FGF12: variants seen among roughly 807,000 people sequenced by gnomAD.
FGF12 encodes fibroblast growth factor 12B.
In FGF12, 14 loss-of-function variants were observed where a neutral mutation model predicts 23.6. The observed-to-expected ratio is 0.59, with a 90% CI of 0.39 to 0.93. The LOEUF is 0.93. Ranked by LOEUF, FGF12 falls within the 40% of genes least tolerant of loss-of-function variation. The probability of loss-of-function intolerance (pLI) is 0.00; values close to 1 mark genes in which losing one functional copy is unlikely to be tolerated. For missense variants in FGF12, 175 were observed against 217.8 expected (o/e 0.80, Z 1.24); for synonymous variants, 62 against 77.3 (o/e 0.80, Z 1.04).
chr3:192,517,850 C>T lies in FGF12; in HGVS notation c.14-157312G>A, dbSNP rs570563241. ...GTTCATGCTTTTTAAAGCAACTCCT[C>T]ATGTGATTGTCACCCACTTCCACAA... On this transcript the variant is annotated intron_variant, in intron 2 of 5. Coordinates refer to ENST00000445105, the MANE Select transcript of FGF12 (RefSeq NM_004113.6). Among the ~76,000 whole-genome samples, 222 of 152,282 alleles carry T rather than the reference C, an allele frequency of 1.5e-3. 1 individual carries two copies. Among genetic ancestry groups the T allele is most frequent in the Non-Finnish European group, 2.3e-3 (159 of 68,012 alleles).
chr3:192,314,742 A>C lies in FGF12; in HGVS notation c.228+20619T>G, dbSNP rs554616588. Among the ~76,000 whole-genome samples, 3 of 152,328 alleles carry C rather than the reference A, an allele frequency of 2.0e-5. No homozygotes were observed. The South Asian group carries it at 6.2e-4, about 32-fold the overall frequency. ...AAGTAAACATAAGAAATTTGTTATT[A>C]ATAATTGGTCTTAGGAAATAAAATC... is the stretch of plus-strand genomic sequence containing the variant. On this transcript the variant is annotated intron_variant, in intron 4 of 5. Transcript: ENST00000445105.
chr3:192,399,667 A>G (rs1447522572), intron 2 of FGF12, among the ~76,000 whole-genome samples: 1 of 152,260 alleles, frequency 6.6e-6, no homozygotes, highest in African/African-American at 2.4e-5. Flanking sequence ...GCATATTAGC[A>G]TAGACTTTCT....
chr3:192,422,161 G>C (rs1351539906), intron 2 of FGF12, among the ~76,000 whole-genome samples: 1 of 152,010 alleles, frequency 6.6e-6, no homozygotes, highest in African/African-American at 2.4e-5. Context: ...TAATTCTATA[G>C]TGAGGAGAGT....
At chr3:192,335,014 T>A (rs1005659587) in intron 4 of FGF12, among the ~76,000 whole-genome samples, 6 of 152,110 alleles carry the variant, frequency 3.9e-5, no homozygotes, top group Non-Finnish European at 7.4e-5. Flanking sequence ...TTTTCCTCCC[T>A]GAGCCATCCT....
chr3:192,253,644 G>C (rs1268659374), intron 4 of FGF12, among the ~76,000 whole-genome samples: 1 of 152,014 alleles, frequency 6.6e-6, no homozygotes, highest in African/African-American at 2.4e-5. Context: ...GTTTGGAAGG[G>C]GAAATGGTGT....
At chr3:192,601,232 G>A (rs569007333) in intron 2 of FGF12, among the ~76,000 whole-genome samples, 2 of 152,170 alleles carry the variant, frequency 1.3e-5, no homozygotes, top group East Asian at 3.9e-4. Flanking sequence ...TGTAGAAGCT[G>A]AAAAAGTTGA....
chr3:192,586,076 C>T (rs975207363), intron 2 of FGF12, among the ~76,000 whole-genome samples: 2 of 151,948 alleles, frequency 1.3e-5, no homozygotes, highest in East Asian at 1.9e-4. Context: ...TAAAAATTAA[C>T]CAAGTGTACA....
Position 192,378,054 on chromosome 3 carries a change from CTTTCTT to C in FGF12, c.14-17522_14-17517del, listed in dbSNP as rs1171134341. ...TCTTTCTTTCTTTCTTTCTTTCTTT[CTTTCTT>C]TCTTTCTTTCTTTCTTTCTTTCTTT... is the stretch of plus-strand genomic sequence containing the variant. On this transcript the variant is annotated intron_variant, in intron 2 of 5. Coordinates refer to ENST00000445105, the MANE Select transcript of FGF12 (RefSeq NM_004113.6). Among the ~76,000 whole-genome samples the C allele has an allele frequency of 2.1e-4, 23 of 107,906 alleles. 6 individuals are homozygous for C. The highest frequency in any genetic ancestry group is 1.8e-3 in the Admixed American group (20 of 10,848). The allele number at this position is 107,906 out of a possible 152,430, so 70.8% of individuals were successfully genotyped here.
chr3:192,573,198 T>TA (rs1712726215), intron 2 of FGF12, among the ~76,000 whole-genome samples: 1 of 151,554 alleles, frequency 6.6e-6, no homozygotes, highest in Non-Finnish European at 1.5e-5. Flanking sequence ...GAACTGGCCT[T>TA]AAAAATAATC....
chr3:192,154,984 C>G (rs1476012571), intron 5 of FGF12, among the ~76,000 whole-genome samples: 1 of 143,218 alleles, frequency 7.0e-6, no homozygotes, highest in East Asian at 2.0e-4. Flanking sequence ...GGCGTAGGAC[C>G]CTCCGAGCCA....
intron 2 of FGF12, among the ~76,000 whole-genome samples, chr3:192,644,396 G>C (rs1374779908): frequency 6.6e-6 from 1 of 151,870 alleles, no homozygotes; most frequent in Admixed American, 6.6e-5. Context: ...CCCTGTTGTC[G>C]TATATTTGTG....
In FGF12 at chr3:192,289,787, C is replaced by T. The variant is rs1560053977; in HGVS notation, c.228+45574G>A. Among the ~76,000 whole-genome samples the T allele has an allele frequency of 2.0e-5, 3 of 152,062 alleles. No homozygotes were observed. The South Asian group carries it at 6.2e-4, about 31-fold the overall frequency. The stretch of plus-strand genomic sequence containing the variant: ...GTACATATTAGATGTCCAATAAATG[C>T]CAGTTCTCTCTTTATCAGGGGAATA... On this transcript the variant is annotated intron_variant, in intron 4 of 5. Transcript: ENST00000445105.
At chr3:192,416,310 T>C (rs1274480614) in intron 2 of FGF12, among the ~76,000 whole-genome samples, 1 of 152,122 alleles carries the variant, frequency 6.6e-6, no homozygotes, top group East Asian at 1.9e-4. Context: ...TTTTGTAGAA[T>C]TCTCTAAGAG....
intron 2 of FGF12, among the ~76,000 whole-genome samples, chr3:192,481,736 C>A (rs944086895): frequency 6.6e-6 from 1 of 152,154 alleles, no homozygotes; most frequent in Non-Finnish European, 1.5e-5. Context: ...ACCACTCGAC[C>A]AGCCCACCCT....
intron 5 of FGF12, among the ~76,000 whole-genome samples, chr3:192,144,923 A>G (rs1713613022): frequency 6.6e-6 from 1 of 152,226 alleles, no homozygotes; most frequent in Non-Finnish European, 1.5e-5. Flanking sequence ...GAAATAGACA[A>G]ATGTGACTAG....
chr3:192,295,939 T>A (rs1715004780), intron 4 of FGF12, among the ~76,000 whole-genome samples: 1 of 151,832 alleles, frequency 6.6e-6, no homozygotes, highest in Non-Finnish European at 1.5e-5. Context: ...CTGAGTGCAG[T>A]AGCACTATCA....
At chr3:192,385,435 G>A (rs1480923614) in intron 2 of FGF12, among the ~76,000 whole-genome samples, 3 of 151,990 alleles carry the variant, frequency 2.0e-5, no homozygotes, top group Admixed American at 1.3e-4. Context: ...ATAAATCAAG[G>A]TAACTGTCAA....
intron 4 of FGF12, among the ~76,000 whole-genome samples, chr3:192,227,172 T>C (rs909080340): frequency 6.6e-6 from 1 of 152,106 alleles, no homozygotes; most frequent in African/African-American, 2.4e-5. Context: ...CTTAAACACA[T>C]ACATATACAA....
At chr3:192,158,332 C>CTTTCTTTCTTTCTCTT (rs1459698854) in intron 5 of FGF12, among the ~76,000 whole-genome samples, 1 of 112,356 alleles carries the variant, frequency 8.9e-6, no homozygotes, top group South Asian at 3.5e-4. Flanking sequence ...TTCTTTCTTT[C>CTTTCTTTCTTTCTCTT]TCTTTCTTTC....
Sources: gnomAD v4.1 joint callset for allele counts (sites outside exome capture counted in the v4.1 genomes callset) on GRCh38, gnomAD v4.1.1 for gene constraint, MANE v1.5 for transcripts, NCBI Gene and HGNC (gene_info 2026-07-23, HGNC 2026-07-21) for gene names.